The following NXPE4 variants were observed in gnomAD, a reference collection of about 807,000 sequenced individuals.
NXPE4 encodes neurexophilin and PC-esterase domain family member 4, also known as NXPE family member 4.
NXPE4 carries 42 observed loss-of-function variants against 33.3 expected under a neutral mutation model. The ratio of observed to expected loss-of-function variants is 1.26; its 90% CI spans 0.98 to 1.63. The LOEUF (loss-of-function observed/expected upper bound fraction) is 1.63. NXPE4 is among the 40% of genes most tolerant of loss of function. The pLI is 0.00. For synonymous variants in NXPE4, 253 were observed against 234.9 expected, an observed-to-expected ratio of 1.08 and a Z score of -0.71; for missense variants, 709 against 647.6, an observed-to-expected ratio of 1.09 and a Z score of -1.03.
the NXPE4 span, among the ~76,000 whole-genome samples, chr11:114,635,419 A>T: frequency 6.6e-6 from 1 of 151,356 alleles, no homozygotes; most frequent in Non-Finnish European, 1.5e-5. Flanking sequence ...AACAGGGACA[A>T]TTTGACTTCC....
upstream of NXPE4, among the ~76,000 whole-genome samples, chr11:114,597,022 A>C (rs1049697596): frequency 1.3e-5 from 2 of 152,204 alleles, no homozygotes; most frequent in Non-Finnish European, 2.9e-5. Context: ...TATATGTATA[A>C]CAACATAAGC....
intron 5 of NXPE4, among the ~76,000 whole-genome samples, chr11:114,577,044 GTTATA>G (rs1949017465): frequency 3.9e-5 from 1 of 25,740 alleles, no homozygotes; most frequent in African/African-American, 1.9e-4. Context: ...TATATATAAA[GTTATA>G]TATATATACA....
intron 2 of NXPE4, among the ~76,000 whole-genome samples, chr11:114,586,497 A>G (rs762297744): frequency 3.3e-5 from 5 of 152,232 alleles, no homozygotes; most frequent in Non-Finnish European, 5.9e-5. Context: ...TAGCGTGGCT[A>G]CCAGCCTTAC....
chr11:114,634,639 T>C, the NXPE4 span, among the ~76,000 whole-genome samples: 2 of 152,108 alleles, frequency 1.3e-5, no homozygotes, highest in East Asian at 3.8e-4. Context: ...TTAATTTTTG[T>C]ATAAGGTGTA....
At chr11:114,633,720 T>A in the NXPE4 span, among the ~76,000 whole-genome samples, 3 of 151,448 alleles carry the variant, frequency 2.0e-5, no homozygotes, top group Non-Finnish European at 2.9e-5. Flanking sequence ...TGGCGTTTGG[T>A]TTTTTGTCCT....
At chr11:114,673,727 C>T in the NXPE4 span, among the ~76,000 whole-genome samples, 1 of 151,956 alleles carries the variant, frequency 6.6e-6, no homozygotes, top group East Asian at 1.9e-4. Context: ...TCATGCAATA[C>T]TGCTTTCCTT....
the NXPE4 span, among the ~76,000 whole-genome samples, chr11:114,633,268 A>G: frequency 1.3e-4 from 18 of 136,136 alleles, no homozygotes; most frequent in Non-Finnish European, 2.6e-4. Context: ...AGAATGTTAT[A>G]TAGTATTATG....
chr11:114,618,451 C>G, the NXPE4 span, among the ~76,000 whole-genome samples: 1 of 151,964 alleles, frequency 6.6e-6, no homozygotes, highest in Non-Finnish European at 1.5e-5. Flanking sequence ...TAAGTATTGC[C>G]TCATGGGTAA....
At chr11:114,645,388 T>C in the NXPE4 span, among the ~76,000 whole-genome samples, 3 of 152,160 alleles carry the variant, frequency 2.0e-5, no homozygotes, top group East Asian at 1.9e-4. Flanking sequence ...TCCAGGTAGA[T>C]TAATCTGAAT....
chr11:114,585,594 C>T (rs188258149), intron 2 of NXPE4, among the ~76,000 whole-genome samples: 4 of 150,888 alleles, frequency 2.7e-5, no homozygotes, highest in East Asian at 3.9e-4. Flanking sequence ...AATATATGTA[C>T]GTGTGTGTGT....
At chr11:114,572,074 T>C (rs1948902175) in intron 5 of NXPE4, among the ~76,000 whole-genome samples, 1 of 152,134 alleles carries the variant, frequency 6.6e-6, no homozygotes, top group Admixed American at 6.6e-5. Context: ...TCACATCCTA[T>C]GGGATTCTTT....
chr11:114,675,109 A>AG, the NXPE4 span, among the ~76,000 whole-genome samples: 4 of 151,742 alleles, frequency 2.6e-5, no homozygotes, highest in Admixed American at 2.6e-4. Flanking sequence ...TCTTTTCATG[A>AG]GAAAAAAACT....
At chr11:114,633,250 A>G in the NXPE4 span, among the ~76,000 whole-genome samples, 1 of 134,536 alleles carries the variant, frequency 7.4e-6, no homozygotes, top group African/African-American at 2.8e-5. Flanking sequence ...TATAATATAT[A>G]ATATATAAGA....
At chr11:114,599,562 G>C (rs1265519313), upstream of NXPE4, among the ~76,000 whole-genome samples, 4 of 152,158 alleles carry the variant, frequency 2.6e-5, no homozygotes, top group Non-Finnish European at 5.9e-5. Flanking sequence ...AAAGAAAAGA[G>C]ATTTAATTGG....
the NXPE4 span, among the ~76,000 whole-genome samples, chr11:114,625,110 G>A: frequency 6.6e-6 from 1 of 152,122 alleles, no homozygotes; most frequent in African/African-American, 2.4e-5. Flanking sequence ...AATAAGTATT[G>A]CCTCATGGGT....
the NXPE4 span, among the ~76,000 whole-genome samples, chr11:114,663,586 CATCTATCTATCTATCTATCT>C: frequency 1.6e-4 from 21 of 132,990 alleles, no homozygotes; most frequent in Admixed American, 5.4e-4. Context: ...CTCTATCTAT[CATCTATCTATCTATCTATCT>C]ATCTATCTAT....
At chr11:114,581,168 C>T (rs1295965162) in intron 4 of NXPE4, among the ~76,000 whole-genome samples, 2 of 152,042 alleles carry the variant, frequency 1.3e-5, no homozygotes, top group African/African-American at 4.8e-5. Context: ...AAAGCTCTTG[C>T]CTTGAGTCGT....
chr11:114,610,839 A>G, the NXPE4 span, among the ~76,000 whole-genome samples: 4 of 151,472 alleles, frequency 2.6e-5, no homozygotes, highest in African/African-American at 9.7e-5. Context: ...GATAATAAGT[A>G]TTGCCTCTAG....
chr11:114,593,094 A>G (rs1949498705), intron 2 of NXPE4, among the ~76,000 whole-genome samples: 1 of 152,184 alleles, frequency 6.6e-6, no homozygotes, highest in Non-Finnish European at 1.5e-5. Context: ...CCTAGGGAAT[A>G]CTGTTCAGGA....
Sources: gnomAD v4.1 joint callset for allele counts (sites outside exome capture counted in the v4.1 genomes callset) on GRCh38, gnomAD v4.1.1 for gene constraint, MANE v1.5 for transcripts, NCBI Gene and HGNC (gene_info 2026-07-23, HGNC 2026-07-21) for gene names.